RALGAPB: variants seen among roughly 807,000 people sequenced by gnomAD.
RALGAPB encodes Ral GTPase activating protein non-catalytic subunit beta.
Under a neutral mutation model 161.1 loss-of-function variants are expected in RALGAPB, and 25 were observed. The ratio of observed to expected loss-of-function variants is 0.16; its 90% confidence interval spans 0.11 to 0.22. The LOEUF is 0.22. Ranked by LOEUF, RALGAPB falls within the 10% of genes least tolerant of loss-of-function variation. The pLI, the probability that RALGAPB is intolerant of heterozygous loss-of-function variation, is 1.00. For missense variants in RALGAPB, 1,391 were observed against 1,815.2 expected (o/e 0.77, Z 4.25); for synonymous variants, 629 against 626.1 (o/e 1.00, Z -0.07).
intron 6 of RALGAPB, among the ~76,000 whole-genome samples, chr20:38,511,855 A>G (rs1370940809): frequency 6.6e-6 from 1 of 152,126 alleles, no homozygotes; most frequent in African/African-American, 2.4e-5. Flanking sequence ...TACACCTCCT[A>G]GACGGGGTGG....
At chr20:38,544,087 C>G (rs1601002911) in intron 18 of RALGAPB, among the ~76,000 whole-genome samples, 1 of 152,178 alleles carries the variant, frequency 6.6e-6, no homozygotes, top group Non-Finnish European at 1.5e-5. Context: ...GTCATTTCAA[C>G]AGTCCCTTTG....
At chr20:38,510,867 G>A (rs964907966) in intron 6 of RALGAPB, among the ~76,000 whole-genome samples, 4 of 145,324 alleles carry the variant, frequency 2.8e-5, no homozygotes, top group Admixed American at 6.8e-5. Context: ...CCGAGATTGC[G>A]CCACTGCACT....
intron 9 of RALGAPB, among the ~76,000 whole-genome samples, chr20:38,520,022 T>A (rs1345523511): frequency 6.6e-6 from 1 of 152,208 alleles, no homozygotes; most frequent in Non-Finnish European, 1.5e-5. Context: ...GTAATTTTCT[T>A]CGTTCATTGT....
chr20:38,545,554 CT>C (rs1165870736), intron 18 of RALGAPB, among the ~76,000 whole-genome samples: 1 of 152,170 alleles, frequency 6.6e-6, no homozygotes, highest in Non-Finnish European at 1.5e-5. Flanking sequence ...CAACTCTCAG[CT>C]TGAATGGCCT....
chr20:38,538,709 T>A (rs2086881490), intron 16 of RALGAPB, among the ~76,000 whole-genome samples: 1 of 152,156 alleles, frequency 6.6e-6, no homozygotes, highest in African/African-American at 2.4e-5. Context: ...ATTAAAACCA[T>A]GATGAGATAC....
At chr20:38,562,075 T>C (rs939017587) in intron 23 of RALGAPB, among the ~76,000 whole-genome samples, 2 of 152,234 alleles carry the variant, frequency 1.3e-5, no homozygotes, top group Non-Finnish European at 2.9e-5. Flanking sequence ...TAATTACACC[T>C]AATGTTTATT....
In RALGAPB at chr20:38,546,428, A is replaced by G. The variant is rs1450850138; in HGVS notation, c.2900A>G (p.Gln967Arg). The G allele has an allele frequency of 6.2e-7, 1 of 1,614,014 alleles. No individual in the cohort carries two copies. The highest frequency in any genetic ancestry group is 8.5e-7 in the Non-Finnish European group (1 of 1,179,906). ...CTGGAACAACCTCTTGGAAATGAGC[A>G]GAGTAAGTTTATAGTACTTTGAGCC... ...AMLEQPLGNE[Q>R]NDFFPSVTVL... Residue 967 changes from glutamine (Q) to arginine (R), a missense_variant and splice_region_variant, in exon 19 of 30, where the codon CAG (glutamine) becomes CGG (arginine). Transcript: ENST00000262879.
At chr20:38,476,920 C>T (rs1244328490) in intron 1 of RALGAPB, among the ~76,000 whole-genome samples, 7 of 152,052 alleles carry the variant, frequency 4.6e-5, no homozygotes, top group African/African-American at 1.7e-4. Context: ...ACTTTCACAC[C>T]CTGGTACAGT....
At chr20:38,490,268 G>A (rs2085240794) in intron 2 of RALGAPB, among the ~76,000 whole-genome samples, 1 of 150,870 alleles carries the variant, frequency 6.6e-6, no homozygotes, top group South Asian at 2.1e-4. Flanking sequence ...GAGTGCAGTG[G>A]CATGATCTTG....
chr20:38,539,551 T>C (rs1312472804), intron 16 of RALGAPB, among the ~76,000 whole-genome samples: 1 of 152,206 alleles, frequency 6.6e-6, no homozygotes, highest in East Asian at 1.9e-4. Flanking sequence ...CATGAAAAAC[T>C]ATGCTAATGA....
rs1262581553 is a variant in RALGAPB at position 38,567,025 on chromosome 20, A to G, written c.3818-71A>G. 6.5e-6 allele frequency: 10 copies of G among 1,535,554 alleles called. No individual in the cohort carries two copies. In the African/African-American group the frequency reaches 1.3e-4, roughly 19 times the overall value. ...TGATTTAGGTTAGACTGGTGAGCAT[A>G]ATTAGTTTTAACAGCCTTGCTCCAA... On this transcript the variant is annotated intron_variant, in intron 25 of 29. Coordinates refer to ENST00000262879, the MANE Select transcript of RALGAPB (RefSeq NM_020336.4).
chr20:38,507,042 A>C (rs890156877), intron 5 of RALGAPB, among the ~76,000 whole-genome samples: 5 of 152,138 alleles, frequency 3.3e-5, no homozygotes, highest in African/African-American at 7.2e-5. Flanking sequence ...ATCTGTTTTT[A>C]AGTAATGCTT....
chr20:38,481,931 A>G (rs1247755774), intron 1 of RALGAPB, among the ~76,000 whole-genome samples: 2 of 152,196 alleles, frequency 1.3e-5, no homozygotes, highest in Non-Finnish European at 2.9e-5. Flanking sequence ...ATTAAGTTGT[A>G]CCAACATTTC....
chr20:38,543,616 C>T (rs1158515888), intron 18 of RALGAPB, among the ~76,000 whole-genome samples: 1 of 152,128 alleles, frequency 6.6e-6, no homozygotes, highest in African/African-American at 2.4e-5. Context: ...TGATCTTTTC[C>T]ACCACTGCTT....
chr20:38,537,305 C>G (rs1346465185), intron 16 of RALGAPB, among the ~76,000 whole-genome samples: 1 of 151,934 alleles, frequency 6.6e-6, no homozygotes, highest in Admixed American at 6.5e-5. Flanking sequence ...CAAAAAAAAG[C>G]CAAAAAATTT....
chr20:38,504,599 G>T (rs1201086338), intron 5 of RALGAPB, among the ~76,000 whole-genome samples: 2 of 152,130 alleles, frequency 1.3e-5, no homozygotes, highest in African/African-American at 4.8e-5. Context: ...TTAAACTAAA[G>T]AGTTTGCACA....
chr20:38,487,942 T>G (rs1326469257), intron 1 of RALGAPB, among the ~76,000 whole-genome samples: 1 of 152,134 alleles, frequency 6.6e-6, no homozygotes, highest in Non-Finnish European at 1.5e-5. Context: ...GGTGCATGCC[T>G]GTAATCCCAG....
intron 3 of RALGAPB, 62 bp from the exon 4 acceptor site, chr20:38,497,291 G>C: frequency 6.6e-7 from 1 of 1,506,628 alleles, no homozygotes; most frequent in South Asian, 1.2e-5. Context: ...TAAGTCACCT[G>C]TCCTGAAGCT....
At chr20:38,551,804 G>A (rs6100175) in intron 21 of RALGAPB, among the ~76,000 whole-genome samples, 1 of 152,166 alleles carries the variant, frequency 6.6e-6, no homozygotes, top group East Asian at 1.9e-4. Flanking sequence ...CTGTCTCTTA[G>A]GTCAAGGGAG....
Sources: allele counts gnomAD v4.1 joint callset (sites outside exome capture counted in the v4.1 genomes callset), GRCh38; gene constraint gnomAD v4.1.1; transcripts MANE v1.5; gene names NCBI Gene and HGNC (gene_info 2026-07-23, HGNC 2026-07-21).